CXCL13: variants seen among roughly 807,000 people sequenced by gnomAD.
The protein encoded by CXCL13 is C-X-C motif chemokine 13.
CXCL13 carries 7 observed loss-of-function variants against 12.2 expected under a neutral mutation model. The observed-to-expected ratio is 0.57, with a 90% CI of 0.33 to 1.07. The LOEUF (loss-of-function observed/expected upper bound fraction) is 1.07, where lower values mean the gene tolerates loss of function less well. Among genes scored for constraint, CXCL13 ranks in the 50% least tolerant of loss-of-function variants. The pLI is 0.04. For missense variants in CXCL13, 113 were observed against 127.4 expected, an observed-to-expected ratio of 0.89 and a Z score of 0.55; for synonymous variants, 47 against 42.4, an observed-to-expected ratio of 1.11 and a Z score of -0.42.
chr4:77,580,234 C>T lies in CXCL13; in HGVS notation c.-42-25590C>T, dbSNP rs1241110126. Reference sequence around the variant, plus strand: ...ATGTAACAAAATTTCACTTTTAAACCTACAATTTTATACAAATAAATTTTA... The same window carrying T: ...ATGTAACAAAATTTCACTTTTAAACTTACAATTTTATACAAATAAATTTTA... On this transcript the variant is annotated intron_variant, in intron 1 of 4. Transcript: ENST00000286758. Among the ~76,000 whole-genome samples the T allele has an allele frequency of 4.1e-5, 6 of 146,772 alleles. 1 individual carries two copies. The highest frequency in any genetic ancestry group is 8.9e-5 in the Non-Finnish European group (6 of 67,138).
rs536536822 is a variant in CXCL13 at position 77,538,336 on chromosome 4, G to GT, written c.-43+26558dup. 3.3e-3 allele frequency among the ~76,000 whole-genome samples: 476 copies of GT among 144,502 alleles called. 7 individuals carry two copies. Among genetic ancestry groups the GT allele is most frequent in the African/African-American group, 1.0e-2 (393 of 39,364 alleles). The allele number at this position is 144,502 out of a possible 152,430, so 94.8% of individuals were successfully genotyped here. A position where few individuals can be genotyped will look rare whatever the true frequency, so the allele number is the denominator to read the frequency against. On this transcript the variant is annotated intron_variant, in intron 1 of 4. Coordinates refer to the CXCL13 transcript ENST00000286758. ...GTTTTTTTTTGTTTGTTTTGGTTTG[G>GT]TTTTTTTTTTAATCAGTGAAGAATG...
intron 1 of CXCL13, among the ~76,000 whole-genome samples, chr4:77,527,898 T>G (rs1724807243): frequency 2.0e-5 from 3 of 152,178 alleles, no homozygotes; most frequent in Admixed American, 1.3e-4. Context: ...CATTTAACAT[T>G]AGGTATATCT....
chr4:77,559,553 C>A (rs1725750037), intron 1 of CXCL13, among the ~76,000 whole-genome samples: 1 of 151,898 alleles, frequency 6.6e-6, no homozygotes, highest in Non-Finnish European at 1.5e-5. Flanking sequence ...GCACAGCAAC[C>A]ATCCACCTCT....
At chr4:77,533,101 G>A (rs1236790721) in intron 1 of CXCL13, among the ~76,000 whole-genome samples, 4 of 152,194 alleles carry the variant, frequency 2.6e-5, no homozygotes, top group African/African-American at 9.7e-5. Flanking sequence ...CTTTGGAGGA[G>A]GAGAGGTGCT....
chr4:77,559,787 T>A (rs1469358053), intron 1 of CXCL13, among the ~76,000 whole-genome samples: 1 of 151,964 alleles, frequency 6.6e-6, no homozygotes, highest in Non-Finnish European at 1.5e-5. Flanking sequence ...TCGGGCATGG[T>A]GGCGGGTGCC....
chr4:77,522,693 C>A (rs1182266069), intron 1 of CXCL13, among the ~76,000 whole-genome samples: 1 of 151,536 alleles, frequency 6.6e-6, no homozygotes, highest in Non-Finnish European at 1.5e-5. Flanking sequence ...TTAATTGGGG[C>A]ATTTAGCCCA....
Position 77,545,276 on chromosome 4 carries a change from C to T in CXCL13, c.-43+33488C>T, listed in dbSNP as rs559573896. Among the ~76,000 whole-genome samples, 17 of 152,238 alleles carry T rather than the reference C, an allele frequency of 1.1e-4. 1 individual carries two copies. Among genetic ancestry groups the T allele is most frequent in the Middle Eastern group, 6.8e-3 (2 of 294 alleles). ...AACTTTAAAGTAGTTTTTTCTAATT[C>T]TGTGAAGGAAGTCATTGGTAGCTTG... On this transcript the variant is annotated intron_variant, in intron 1 of 4. Transcript: ENST00000286758.
At chr4:77,607,344 T>C (rs917457403) in intron 1 of CXCL13, among the ~76,000 whole-genome samples, 3 of 152,208 alleles carry the variant, frequency 2.0e-5, no homozygotes, top group Non-Finnish European at 4.4e-5. Flanking sequence ...TGTTTTGTTT[T>C]CTTTTTGCTT....
intron 1 of CXCL13, among the ~76,000 whole-genome samples, chr4:77,569,335 G>T (rs539577630): frequency 3.9e-5 from 6 of 152,294 alleles, no homozygotes; most frequent in African/African-American, 1.4e-4. Flanking sequence ...ATCCCTGTTT[G>T]CAGATGACAT....
At chr4:77,527,440 T>A (rs1424900278) in intron 1 of CXCL13, among the ~76,000 whole-genome samples, 1 of 152,174 alleles carries the variant, frequency 6.6e-6, no homozygotes, top group Non-Finnish European at 1.5e-5. Flanking sequence ...AAGACCAGCC[T>A]GGGCAACATG....
At chr4:77,529,077 T>C (rs11097840) in intron 1 of CXCL13, among the ~76,000 whole-genome samples, 18,965 of 152,236 alleles carry the variant, frequency 0.12, 1,407 homozygotes, top group South Asian at 0.21. Context: ...TTGTCAAAGA[T>C]CAGATGGTTG....
chr4:77,558,052 T>G (rs1725706373), intron 1 of CXCL13, among the ~76,000 whole-genome samples: 1 of 152,228 alleles, frequency 6.6e-6, no homozygotes, highest in African/African-American at 2.4e-5. Context: ...TCTCCCAAAC[T>G]GCTAAATTCT....
intron 1 of CXCL13, among the ~76,000 whole-genome samples, chr4:77,573,362 TTGTGTGTGTGTGTGTGTGTGTG>T (rs3048191): frequency 1.2e-4 from 16 of 134,988 alleles, no homozygotes; most frequent in East Asian, 6.4e-4. Context: ...ATTGGGTCTT[TTGTGTGTGTGTGTGTGTGTGTG>T]TGTGTGTGTG....
intron 1 of CXCL13, among the ~76,000 whole-genome samples, chr4:77,591,550 C>CA (rs780283463): frequency 0.098 from 4,518 of 46,308 alleles, 264 homozygotes; most frequent in East Asian, 0.14. Flanking sequence ...GACTCCATCT[C>CA]AAAAAAAAAA....
chr4:77,553,304 A>C (rs936434195), intron 1 of CXCL13, among the ~76,000 whole-genome samples: 3 of 152,218 alleles, frequency 2.0e-5, no homozygotes, highest in African/African-American at 7.2e-5. Flanking sequence ...ACTCCAGAGC[A>C]TGTGCTCCAA....
chr4:77,598,969 C>T (rs898030098), intron 1 of CXCL13, among the ~76,000 whole-genome samples: 1 of 152,194 alleles, frequency 6.6e-6, no homozygotes, highest in Non-Finnish European at 1.5e-5. Flanking sequence ...CCACTATGCC[C>T]GACTAATTTT....
intron 1 of CXCL13, among the ~76,000 whole-genome samples, chr4:77,516,866 C>T (rs1724434466): frequency 6.6e-6 from 1 of 152,080 alleles, no homozygotes; most frequent in Non-Finnish European, 1.5e-5. Flanking sequence ...AATGTGTTTG[C>T]ACTTGCTTTT....
intron 1 of CXCL13, among the ~76,000 whole-genome samples, chr4:77,544,317 A>G (rs943777817): frequency 6.6e-6 from 1 of 152,172 alleles, no homozygotes; most frequent in Non-Finnish European, 1.5e-5. Flanking sequence ...TTGAGGAATC[A>G]CCACACTGTC....
chr4:77,541,313 C>T (rs1015129597), intron 1 of CXCL13, among the ~76,000 whole-genome samples: 25 of 152,108 alleles, frequency 1.6e-4, no homozygotes, highest in African/African-American at 5.8e-4. Flanking sequence ...AGGACTTAGT[C>T]ATAAGTTATT....
Sources: gnomAD v4.1 joint callset for allele counts (sites outside exome capture counted in the v4.1 genomes callset) on GRCh38, gnomAD v4.1.1 for gene constraint, MANE v1.5 for transcripts, NCBI Gene and HGNC (gene_info 2026-07-23, HGNC 2026-07-21) for gene names.